MDGA2: variants seen among roughly 807,000 people sequenced by gnomAD.
The protein encoded by MDGA2 is MAM domain containing glycosylphosphatidylinositol anchor 2.
MDGA2 carries 40 observed loss-of-function variants against 117.8 expected under a neutral mutation model. That is an observed-to-expected ratio of 0.34 (90% CI 0.26 to 0.44). The LOEUF (loss-of-function observed/expected upper bound fraction) is 0.44. Ranked by LOEUF, MDGA2 falls within the 20% of genes least tolerant of loss-of-function variation. MDGA2 has a pLI of 1.00. For synonymous variants in MDGA2, 452 were observed against 439.0 expected, an observed-to-expected ratio of 1.03 and a Z score of -0.37; for missense variants, 1,123 against 1,250.6, an observed-to-expected ratio of 0.90 and a Z score of 1.54.
chr14:47,391,224 C>G (rs907388135), intron 1 of MDGA2, among the ~76,000 whole-genome samples: 1 of 152,174 alleles, frequency 6.6e-6, no homozygotes, highest in Non-Finnish European at 1.5e-5. Flanking sequence ...TGATTTCATG[C>G]TGCCCTAGCA....
In MDGA2 at chr14:46,877,527, G is replaced by GAAAC; in HGVS notation, c.2417-22_2417-19dup. 6.6e-7 allele frequency: 1 copy of GAAAC among 1,513,086 alleles called. No individual in the cohort carries two copies. Among genetic ancestry groups the GAAAC allele is most frequent in the Non-Finnish European group, 9.0e-7 (1 of 1,107,188 alleles). The allele number at this position is 1,513,086 out of a possible 1,614,324, so 93.7% of individuals were successfully genotyped here. On this transcript the variant is annotated intron_variant, in intron 11 of 16. Transcript: ENST00000399232. ...TACAGGAGCTACAAGAAAAGCAAAA[G>GAAAC]AAACAAACAAACAAAAAAACAATGT...
At chr14:47,541,188 T>A (rs138442113) in intron 1 of MDGA2, among the ~76,000 whole-genome samples, 6 of 152,332 alleles carry the variant, frequency 3.9e-5, no homozygotes, top group African/African-American at 1.4e-4. Flanking sequence ...CTGAAAATTG[T>A]GACCATATAG....
intron 8 of MDGA2, among the ~76,000 whole-genome samples, chr14:47,025,146 GT>G (rs1182673635): frequency 6.6e-6 from 1 of 152,100 alleles, no homozygotes; most frequent in African/African-American, 2.4e-5. Flanking sequence ...ATTGCTAAGA[GT>G]TTAGTTTGGC....
chr14:46,858,428 C>CTTTTTTT (rs71112466), intron 14 of MDGA2, among the ~76,000 whole-genome samples: 9 of 123,830 alleles, frequency 7.3e-5, no homozygotes, highest in Admixed American at 2.5e-4. Flanking sequence ...TTCTTTTTTT[C>CTTTTTTT]TTTTTTTTTT....
chr14:47,617,364 C>G (rs1413901592), intron 1 of MDGA2, among the ~76,000 whole-genome samples: 1 of 152,070 alleles, frequency 6.6e-6, no homozygotes, highest in Non-Finnish European at 1.5e-5. Context: ...ACCACCACAC[C>G]TGGCTAATTT....
chr14:46,951,366 T>A (rs990066184), intron 9 of MDGA2, among the ~76,000 whole-genome samples: 3 of 151,990 alleles, frequency 2.0e-5, no homozygotes, highest in African/African-American at 7.2e-5. Context: ...CTGTCTCTTG[T>A]TTTTCATATA....
At position 47,089,713 on chromosome 14, in the gene MDGA2, A is replaced by G. The variant is rs560774642; in HGVS notation, c.1195+7141T>C. ...ATGGAATACTATGCAGCCATAAAAA[A>G]GGATGAGTTCATGTCCTTTGTAGGG... On this transcript the variant is annotated intron_variant, in intron 6 of 16. Transcript: ENST00000399232. Among the ~76,000 whole-genome samples the G allele has an allele frequency of 8.7e-4, 132 of 152,284 alleles. 1 individual carries two copies. The highest frequency in any genetic ancestry group is 3.5e-3 in the South Asian group (17 of 4,828).
In MDGA2 at chr14:46,855,053, C is replaced by T. The variant is rs1471169231; in HGVS notation, c.2854G>A (p.Val952Ile). 3 of 1,610,786 alleles carry T rather than the reference C, an allele frequency of 1.9e-6. No homozygotes were observed. Among genetic ancestry groups the T allele is most frequent in the Non-Finnish European group, 2.5e-6 (3 of 1,178,444 alleles). Reference protein sequence around the residue: ...NKGQRWNEAHVNIYPITSFQL... With the variant: ...NKGQRWNEAHINIYPITSFQL... ...AATGAAGTAATTGGGTATATATTAA[C>T]ATGAGCCTCATTCCATCTTTGTCCT... The change falls in exon 15 of 17, where the codon GTT (valine) becomes ATT (isoleucine). Residue 952 changes from valine (V) to isoleucine (I), a missense_variant. Transcript: ENST00000399232. The surrounding 1 kb of genome is among the most constrained non-coding windows in gnomAD (Gnocchi z 4.1).
intron 1 of MDGA2, among the ~76,000 whole-genome samples, chr14:47,313,577 A>T (rs1889711651): frequency 6.6e-6 from 1 of 152,168 alleles, no homozygotes; most frequent in African/African-American, 2.4e-5. Flanking sequence ...GATTATAGGC[A>T]TGAGCCACCA....
Position 47,552,431 on chromosome 14 carries a change from G to C in MDGA2, c.280+122086C>G, listed in dbSNP as rs536463691. ...ACCCTCCTTAGGAAATTGCAACTATGTCCTTTCCATTGTTCAGGCCAAAAA... is the reference window on the plus strand; with the variant it reads ...ACCCTCCTTAGGAAATTGCAACTATCTCCTTTCCATTGTTCAGGCCAAAAA... On this transcript the variant is annotated intron_variant, in intron 1 of 16. Coordinates refer to ENST00000399232, the MANE Select transcript of MDGA2 (RefSeq NM_001113498.3). 2.2e-4 allele frequency among the ~76,000 whole-genome samples: 34 copies of C among 152,328 alleles called. No homozygotes were observed. The South Asian group carries it at 6.4e-3, about 29-fold the overall frequency.
chr14:47,264,851 C>G (rs1887912808), intron 2 of MDGA2, among the ~76,000 whole-genome samples: 1 of 151,972 alleles, frequency 6.6e-6, no homozygotes. Context: ...CTATTCCACC[C>G]CTAGCCTCCC....
intron 1 of MDGA2, among the ~76,000 whole-genome samples, chr14:47,532,696 AT>A (rs999264519): frequency 2.6e-4 from 39 of 152,212 alleles, no homozygotes; most frequent in African/African-American, 7.7e-4. Flanking sequence ...ACCACTGAAT[AT>A]TTTTTTCTTT....
At chr14:47,553,038 CCTAACCTGAGGCAGGT>C (rs1240143661) in intron 1 of MDGA2, among the ~76,000 whole-genome samples, 2 of 152,190 alleles carry the variant, frequency 1.3e-5, no homozygotes, top group South Asian at 2.1e-4. Context: ...CTAAGGCAGG[CCTAACCTGAGGCAGGT>C]CTAACCTGAG....
intron 1 of MDGA2, among the ~76,000 whole-genome samples, chr14:47,377,199 T>C (rs1891497753): frequency 1.3e-5 from 2 of 152,080 alleles, no homozygotes; most frequent in Non-Finnish European, 2.9e-5. Context: ...AGAGGATTCA[T>C]AAGATTAAAT....
chr14:47,630,851 A>G (rs191764923), intron 1 of MDGA2, among the ~76,000 whole-genome samples: 6 of 152,322 alleles, frequency 3.9e-5, no homozygotes, highest in African/African-American at 1.4e-4. Flanking sequence ...CACAGTCAAT[A>G]TTCATTGTGT....
intron 10 of MDGA2, among the ~76,000 whole-genome samples, chr14:46,890,919 A>C (rs1338457817): frequency 6.6e-6 from 1 of 152,158 alleles, no homozygotes; most frequent in Non-Finnish European, 1.5e-5. Context: ...TGATAAAGTT[A>C]AATATGTAGT....
chr14:47,168,571 G>C (rs1385112302), intron 3 of MDGA2, among the ~76,000 whole-genome samples: 4 of 151,946 alleles, frequency 2.6e-5, no homozygotes, highest in African/African-American at 9.7e-5. Context: ...TTACTAAAGA[G>C]AGTGTTGAAA....
intron 9 of MDGA2, among the ~76,000 whole-genome samples, chr14:46,926,404 C>T (rs1431242307): frequency 1.4e-5 from 2 of 143,920 alleles, no homozygotes; most frequent in Non-Finnish European, 3.0e-5. Flanking sequence ...AACTTAAACG[C>T]CAATGATGCA....
intron 5 of MDGA2, among the ~76,000 whole-genome samples, chr14:47,128,896 A>G (rs1347904321): frequency 6.6e-6 from 1 of 151,820 alleles, no homozygotes; most frequent in Non-Finnish European, 1.5e-5. Context: ...TCACTGTGTT[A>G]GCCAGGATGG....
Sources: gnomAD v4.1 joint callset for allele counts (sites outside exome capture counted in the v4.1 genomes callset) on GRCh38, gnomAD v4.1.1 for gene constraint, Gnocchi (gnomAD v3.1) non-coding constraint, MANE v1.5 for transcripts, NCBI Gene and HGNC (gene_info 2026-07-23, HGNC 2026-07-21) for gene names.